Variants in NFYA observed in about 807,000 individuals in gnomAD.
NFYA encodes the protein nuclear transcription factor Y subunit alpha.
In NFYA, 28 loss-of-function variants were observed where a neutral mutation model predicts 52.8. That is an observed-to-expected ratio of 0.53 (90% CI 0.39 to 0.73). The LOEUF is 0.73. NFYA is among the 30% of genes least tolerant of loss of function. NFYA has a pLI of 0.00. For missense variants in NFYA, 234 were observed against 427.0 expected (o/e 0.55, Z 3.98); for synonymous variants, 150 against 150.7 (o/e 1.00, Z 0.03).
Position 41,099,289 on chromosome 6 carries a change from C to T in NFYA, c.*1879C>T, listed in dbSNP as rs1307407259. ...TACTAACAATGAGGAATTTATATTC[C>T]TTGGTTAATTTAGGAGTCTAAGATG... is the stretch of plus-strand genomic sequence containing the variant. On this transcript the variant is annotated 3_prime_UTR_variant, in exon 10 of 10. Coordinates refer to ENST00000341376, the MANE Select transcript of NFYA (RefSeq NM_002505.5). The T allele has an allele frequency of 6.6e-6, 1 of 152,122 alleles. No homozygotes were observed. The highest frequency in any genetic ancestry group is 1.5e-5 in the Non-Finnish European group (1 of 68,018). The allele number at this position is 152,122 out of a possible 1,614,324, so 9.4% of individuals were successfully genotyped here.
At chr6:41,080,683 G>C (rs1320586682) in intron 2 of NFYA, 128 bp from the exon 3 acceptor site, 4 of 670,418 alleles carry the variant, frequency 6.0e-6, no homozygotes, top group East Asian at 5.2e-5. Context: ...CTTCAATATA[G>C]GGAGTCTGTA....
chr6:41,084,527 G>A (rs1332149290), intron 4 of NFYA, among the ~76,000 whole-genome samples: 2 of 152,024 alleles, frequency 1.3e-5, no homozygotes, highest in African/African-American at 4.8e-5. Flanking sequence ...GCAAAAAGTG[G>A]GTCCAAATTA....
rs1764483965 is a variant in NFYA at position 41,100,967 on chromosome 6, G to GCGGATTGGCTGCTAC, written c.*3557_*3558insCGGATTGGCTGCTAC. 1 of 151,122 alleles carries GCGGATTGGCTGCTAC rather than the reference G, an allele frequency of 6.6e-6. No homozygotes were observed. Among genetic ancestry groups the GCGGATTGGCTGCTAC allele is most frequent in the Non-Finnish European group, 1.5e-5 (1 of 67,838 alleles). 9.4% of individuals were successfully genotyped at this position (151,122 alleles called of 1,614,324 possible). ...GGCAGGCCTCCAATAGAGCCTGCTA[G>GCGGATTGGCTGCTAC]GCGGATTGGCTGCTACGCGGCTGGG... On this transcript the variant is annotated 3_prime_UTR_variant, in exon 10 of 10. Transcript: ENST00000341376.
chr6:41,088,204 G>A (rs1764097049), intron 4 of NFYA, among the ~76,000 whole-genome samples: 1 of 152,064 alleles, frequency 6.6e-6, no homozygotes, highest in African/African-American at 2.4e-5. Flanking sequence ...GGATCACAAG[G>A]TCAGGAGATC....
intron 1 of NFYA, chr6:41,075,152 T>C (rs1763698776): frequency 6.6e-6 from 1 of 152,234 alleles, no homozygotes; most frequent in African/African-American, 2.4e-5. Flanking sequence ...AGAGCTTAAG[T>C]AGTCTAAAAA....
chr6:41,077,110 G>A (rs971516546), intron 1 of NFYA, among the ~76,000 whole-genome samples: 5 of 152,194 alleles, frequency 3.3e-5, no homozygotes, highest in African/African-American at 7.2e-5. Context: ...TTGTAAAGAT[G>A]TAAACTTCTG....
chr6:41,091,998 A>C (rs184871708), intron 7 of NFYA, among the ~76,000 whole-genome samples: 77 of 152,336 alleles, frequency 5.1e-4, no homozygotes, highest in African/African-American at 1.7e-3. Flanking sequence ...ATCTTTGAGA[A>C]GTGGAAAGTA....
intron 9 of NFYA, 103 bp downstream of exon 9, chr6:41,094,600 C>A: frequency 1.3e-6 from 1 of 770,952 alleles, no homozygotes; most frequent in Non-Finnish European, 2.2e-6. Context: ...TCTGGGACTA[C>A]TCACATTCTC....
At chr6:41,075,618 A>G (rs768899712) in intron 1 of NFYA, 1 of 151,626 alleles carries the variant, frequency 6.6e-6, no homozygotes, top group Non-Finnish European at 1.5e-5. Flanking sequence ...TGCTCTCTTG[A>G]TTTGTAGTAC....
chr6:41,090,391 G>T, intron 6 of NFYA, 82 bp downstream of exon 6: 1 of 759,934 alleles, frequency 1.3e-6, no homozygotes, highest in South Asian at 1.6e-5. Context: ...TAGAATTTGA[G>T]TGGTGAACTT....
intron 1 of NFYA, chr6:41,075,800 A>G (rs1763717033): frequency 6.6e-6 from 1 of 151,606 alleles, no homozygotes; most frequent in African/African-American, 2.4e-5. Context: ...AAATTCCCAT[A>G]TCACTTTATC....
chr6:41,085,842 C>A (rs1037876883), intron 4 of NFYA, among the ~76,000 whole-genome samples: 3 of 151,396 alleles, frequency 2.0e-5, no homozygotes, highest in African/African-American at 7.3e-5. Context: ...TTTTGGTTTT[C>A]ATTTGCCTTT....
rs1764437234 is a variant in NFYA, at chr6:41,099,221, A to G, written c.*1811A>G. On this transcript the variant is annotated 3_prime_UTR_variant, in exon 10 of 10. Transcript: ENST00000341376. Reference sequence around the variant, plus strand: ...TTCTAGCTCTACAAGAGTTTGGGATATTAATGTTATTCAGTAAGTCCCAAG... The same window carrying G: ...TTCTAGCTCTACAAGAGTTTGGGATGTTAATGTTATTCAGTAAGTCCCAAG... The G allele has an allele frequency of 6.6e-6, 1 of 152,250 alleles. No homozygotes were observed. Among genetic ancestry groups the G allele is most frequent in the South Asian group, 2.1e-4 (1 of 4,836 alleles). The allele number at this position is 152,250 out of a possible 1,614,324, so 9.4% of individuals were successfully genotyped here. A position where few individuals can be genotyped will look rare whatever the true frequency, so the allele number is the denominator to read the frequency against.
chr6:41,075,840 C>T (rs1023502728), intron 1 of NFYA: 5 of 151,964 alleles, frequency 3.3e-5, no homozygotes, highest in African/African-American at 1.2e-4. Context: ...GTTTTTAGTC[C>T]ATTACTAAAC....
chr6:41,077,527 T>C (rs1385493917), intron 1 of NFYA, among the ~76,000 whole-genome samples: 1 of 139,708 alleles, frequency 7.2e-6, no homozygotes, highest in Admixed American at 7.2e-5. Flanking sequence ...ATTTTATTAG[T>C]TTATAGCCAT....
chr6:41,092,852 A>C, intron 7 of NFYA, 60 bp from the exon 8 acceptor site: 1 of 1,522,284 alleles, frequency 6.6e-7, no homozygotes, highest in Non-Finnish European at 8.8e-7. Flanking sequence ...AGGAACCAAG[A>C]AACTGTTTCT....
At chr6:41,091,877 C>G (rs1764206506) in intron 7 of NFYA, among the ~76,000 whole-genome samples, 183 bp downstream of exon 7, 1 of 152,044 alleles carries the variant, frequency 6.6e-6, no homozygotes, top group African/African-American at 2.4e-5. Context: ...TACTATGTGC[C>G]AGGGACTATT....
intron 3 of NFYA, among the ~76,000 whole-genome samples, chr6:41,082,081 A>C (rs1207676060): frequency 6.6e-6 from 1 of 152,226 alleles, no homozygotes; most frequent in Non-Finnish European, 1.5e-5. Flanking sequence ...GATTCAAAGT[A>C]GAATCTAGAA....
intron 6 of NFYA, among the ~76,000 whole-genome samples, chr6:41,090,527 A>C (rs994831152): frequency 1.3e-5 from 2 of 152,212 alleles, no homozygotes; most frequent in African/African-American, 4.8e-5. Context: ...AGTGGTTGCT[A>C]ATCTAGGGAT....
Sources: gnomAD v4.1 joint callset for allele counts (sites outside exome capture counted in the v4.1 genomes callset) on GRCh38, gnomAD v4.1.1 for gene constraint, MANE v1.5 for transcripts, NCBI Gene and HGNC (gene_info 2026-07-23, HGNC 2026-07-21) for gene names.